Variants in SLC17A8 observed in about 807,000 individuals in gnomAD.
SLC17A8 encodes solute carrier family 17 member 8, also known as vesicular glutamate transporter 3.
A neutral mutation model predicts 58.0 loss-of-function variants in SLC17A8; 31 were observed. That is an observed-to-expected ratio of 0.53 (90% confidence interval 0.40 to 0.72). The LOEUF (loss-of-function observed/expected upper bound fraction) is 0.72. Among genes scored for constraint, SLC17A8 ranks in the 30% least tolerant of loss-of-function variants. SLC17A8 has a pLI of 0.00. For synonymous variants in SLC17A8, 228 were observed against 249.0 expected (o/e 0.92, Z 0.79); for missense variants, 655 against 727.8 (o/e 0.90, Z 1.15).
At position 100,393,327 on chromosome 12, in the gene SLC17A8, A is replaced by G. The variant is rs957297354; in HGVS notation, c.474-42A>G. ...GGTGCTTAGCTGAAGTAGCACATCC[A>G]TCAGCAGACCTGCCGAATAACACAA... On this transcript the variant is annotated intron_variant, in intron 3 of 11. Transcript: ENST00000323346. 7 of 1,348,722 alleles carry G rather than the reference A, an allele frequency of 5.2e-6. No homozygotes were observed. In the Admixed American group the frequency reaches 8.4e-5, roughly 16 times the overall value. The allele number at this position is 1,348,722 out of a possible 1,614,324, so 83.5% of individuals were successfully genotyped here. A position where few individuals can be genotyped will look rare whatever the true frequency, so the allele number is the denominator to read the frequency against.
At chr12:100,369,147 G>A (rs546231074) in intron 1 of SLC17A8, among the ~76,000 whole-genome samples, 5 of 151,994 alleles carry the variant, frequency 3.3e-5, no homozygotes, top group Non-Finnish European at 5.9e-5. Flanking sequence ...ATGGTGGTAC[G>A]TGCCTGTAAT....
Position 100,380,864 on chromosome 12 carries a change from T to A in SLC17A8, c.265T>A (p.Ser89Thr). The stretch of plus-strand genomic sequence containing the variant: ...CATGAGTGGGCTGGGATTCTGCATT[T>A]CCTTTGGGATCCGGTGCAATCTTGG... Reference protein sequence around the residue: ...AIMSGLGFCISFGIRCNLGVA... With the variant: ...AIMSGLGFCITFGIRCNLGVA... Residue 89 changes from serine (S) to threonine (T), a missense_variant, in exon 2 of 12, where the codon TCC (serine) becomes ACC (threonine). Transcript: ENST00000323346. 1 of 1,614,158 alleles carries A rather than the reference T, an allele frequency of 6.2e-7. No individual in the cohort carries two copies. The highest frequency in any genetic ancestry group is 8.5e-7 in the Non-Finnish European group (1 of 1,180,044).
At chr12:100,408,650 A>AT (rs945445653) in intron 9 of SLC17A8, among the ~76,000 whole-genome samples, 2 of 151,722 alleles carry the variant, frequency 1.3e-5, no homozygotes, top group African/African-American at 4.8e-5. Context: ...TTTGGCCAAA[A>AT]TTTTTTTTCT....
chr12:100,412,904 G>A, intron 10 of SLC17A8, 24 bp downstream of exon 10: 1 of 1,547,434 alleles, frequency 6.5e-7, no homozygotes, highest in Non-Finnish European at 8.9e-7. Context: ...TGGGTTTCCA[G>A]ATCTTGACTA....
intron 1 of SLC17A8, among the ~76,000 whole-genome samples, chr12:100,375,209 A>C (rs1952586723): frequency 6.6e-6 from 1 of 150,874 alleles, no homozygotes; most frequent in Non-Finnish European, 1.5e-5. Context: ...TGCAGCCTCA[A>C]ACTCTTGAGC....
intron 4 of SLC17A8, among the ~76,000 whole-genome samples, chr12:100,394,912 A>C (rs1440952475): frequency 6.7e-6 from 1 of 149,840 alleles, no homozygotes; most frequent in Non-Finnish European, 1.5e-5. Context: ...TATATATATT[A>C]TAATTAAAAA....
chr12:100,375,967 G>A (rs963891497), intron 1 of SLC17A8, among the ~76,000 whole-genome samples: 1 of 152,130 alleles, frequency 6.6e-6, no homozygotes, highest in Non-Finnish European at 1.5e-5. Context: ...TGGAGATAGG[G>A]TCTTTAAAAA....
At chr12:100,379,598 C>T (rs542072136) in intron 1 of SLC17A8, among the ~76,000 whole-genome samples, 1 of 152,244 alleles carries the variant, frequency 6.6e-6, no homozygotes, top group Admixed American at 6.5e-5. Flanking sequence ...TTTAAAAAGA[C>T]TTGGACCTTA....
intron 1 of SLC17A8, among the ~76,000 whole-genome samples, chr12:100,364,434 C>T (rs950292869): frequency 6.6e-6 from 1 of 152,198 alleles, no homozygotes; most frequent in African/African-American, 2.4e-5. Flanking sequence ...AGTCTTGTTG[C>T]TGACCGCAGC....
chr12:100,400,427 ATC>A (rs1952782988), intron 5 of SLC17A8, among the ~76,000 whole-genome samples: 1 of 152,140 alleles, frequency 6.6e-6, no homozygotes, highest in Non-Finnish European at 1.5e-5. Context: ...GTTTATTTGA[ATC>A]TCAAAACAAC....
At chr12:100,364,458 G>A (rs1952505734) in intron 1 of SLC17A8, among the ~76,000 whole-genome samples, 1 of 152,210 alleles carries the variant, frequency 6.6e-6, no homozygotes, top group Non-Finnish European at 1.5e-5. Flanking sequence ...AGCTAGCTCA[G>A]TCCTGGTGAG....
At chr12:100,419,189 A>T (rs1952929200) in intron 11 of SLC17A8, among the ~76,000 whole-genome samples, 1 of 152,206 alleles carries the variant, frequency 6.6e-6, no homozygotes, top group South Asian at 2.1e-4. Flanking sequence ...TGTGAAGGGA[A>T]ACCCCATTTG....
chr12:100,410,400 CAGG>C (rs1952858393), intron 9 of SLC17A8, among the ~76,000 whole-genome samples: 1 of 151,634 alleles, frequency 6.6e-6, no homozygotes, highest in South Asian at 2.1e-4. Context: ...GAGGCTGAGG[CAGG>C]AGAAGGGCAC....
intron 1 of SLC17A8, among the ~76,000 whole-genome samples, chr12:100,370,942 C>A (rs763148554): frequency 4.5e-5 from 6 of 134,312 alleles, no homozygotes; most frequent in Non-Finnish European, 6.1e-5. Context: ...AAATTATAAT[C>A]TACTGGAAGA....
rs961515127 is a variant in SLC17A8 at position 100,421,616 on chromosome 12, G to A, written c.*1457G>A. The A allele has an allele frequency of 4.0e-5, 6 of 148,214 alleles. No individual in the cohort carries two copies. The highest frequency in any genetic ancestry group is 2.1e-4 in the South Asian group (1 of 4,672). The allele number at this position is 148,214 out of a possible 1,614,324, so 9.2% of individuals were successfully genotyped here. A position where few individuals can be genotyped will look rare whatever the true frequency, so the allele number is the denominator to read the frequency against. ...TACTTTCAGAAGAAAAATATAATACGGAAAAAATTATAGATTTACTTGTAG... is the reference window on the plus strand; with the variant it reads ...TACTTTCAGAAGAAAAATATAATACAGAAAAAATTATAGATTTACTTGTAG... On this transcript the variant is annotated 3_prime_UTR_variant, in exon 12 of 12. Coordinates refer to ENST00000323346, the MANE Select transcript of SLC17A8 (RefSeq NM_139319.3).
At chr12:100,370,219 TC>T (rs1368840701) in intron 1 of SLC17A8, among the ~76,000 whole-genome samples, 18 of 151,858 alleles carry the variant, frequency 1.2e-4, no homozygotes, top group African/African-American at 4.4e-4. Context: ...CTCCCAAAGT[TC>T]CAGGATTACA....
In SLC17A8 at chr12:100,420,413, T is replaced by C. The variant is rs1952940776; in HGVS notation, c.*254T>C. 4.5e-6 allele frequency: 2 copies of C among 449,416 alleles called. No individual in the cohort carries two copies. Among genetic ancestry groups the C allele is most frequent in the Non-Finnish European group, 8.1e-6 (2 of 248,216 alleles). The allele number at this position is 449,416 out of a possible 1,614,324, so 27.8% of individuals were successfully genotyped here. On this transcript the variant is annotated 3_prime_UTR_variant, in exon 12 of 12. Coordinates refer to ENST00000323346, the MANE Select transcript of SLC17A8 (RefSeq NM_139319.3). ...CCCTTCTCTCAAAGAGCTAAACTTA[T>C]TCAGAAAGGAATGACTAGAAGAAAA...
chr12:100,375,692 G>A (rs964253354), intron 1 of SLC17A8, among the ~76,000 whole-genome samples: 7 of 152,212 alleles, frequency 4.6e-5, no homozygotes, highest in Non-Finnish European at 8.8e-5. Flanking sequence ...TATAGAGAGC[G>A]CTAAGCTTAT....
rs1952945495 is a variant in SLC17A8, at chr12:100,421,149, G to A, written c.*990G>A. 6.6e-6 allele frequency: 1 copy of A among 152,124 alleles called. No individual in the cohort carries two copies. The highest frequency in any genetic ancestry group is 6.6e-5 in the Admixed American group (1 of 15,262). The allele number at this position is 152,124 out of a possible 1,614,324, so 9.4% of individuals were successfully genotyped here. On this transcript the variant is annotated 3_prime_UTR_variant, in exon 12 of 12. Coordinates refer to ENST00000323346, the MANE Select transcript of SLC17A8 (RefSeq NM_139319.3). The stretch of plus-strand genomic sequence containing the variant: ...AATATTAAGAATGTAGCTAAATGAT[G>A]TCCCAAACTACTTACAAACTTTTAA...
Sources: gnomAD v4.1 joint callset for allele counts (sites outside exome capture counted in the v4.1 genomes callset) on GRCh38, gnomAD v4.1.1 for gene constraint, MANE v1.5 for transcripts, NCBI Gene and HGNC (gene_info 2026-07-23, HGNC 2026-07-21) for gene names.